WIPI2: variants seen among roughly 807,000 people sequenced by gnomAD.
WIPI2 encodes the protein WD repeat domain phosphoinositide-interacting protein 2.
Under a neutral mutation model 52.3 loss-of-function variants are expected in WIPI2, and 28 were observed. The ratio of observed to expected loss-of-function variants is 0.54; its 90% CI spans 0.40 to 0.73. WIPI2 has a LOEUF of 0.73. Ranked by LOEUF, WIPI2 falls within the 30% of genes least tolerant of loss-of-function variation. The pLI, the probability that WIPI2 is intolerant of heterozygous loss-of-function variation, is 0.00. For synonymous variants in WIPI2, 268 were observed against 245.0 expected (o/e 1.09, Z -0.88); for missense variants, 506 against 602.9 (o/e 0.84, Z 1.68).
chr7:5,227,458 C>T lies in WIPI2; in HGVS notation c.1013+114C>T, dbSNP rs1783493756. ...CTGAACAGGAGCAGCTTCTTAGAGC[C>T]GACACTCCATCGAGAGTTGTCGGGG... is the stretch of plus-strand genomic sequence containing the variant. On this transcript the variant is annotated intron_variant, in intron 10 of 12. Coordinates refer to ENST00000288828, the MANE Select transcript of WIPI2 (RefSeq NM_015610.4). This position sits in a 1 kb window ranked among gnomAD's most constrained non-coding sequence, Gnocchi z 8.1. 2.1e-6 allele frequency: 3 copies of T among 1,401,292 alleles called. No individual in the cohort carries two copies. The highest frequency in any genetic ancestry group is 2.9e-6 in the Non-Finnish European group (3 of 1,050,792). 86.8% of individuals were successfully genotyped at this position (1,401,292 alleles called of 1,614,324 possible).
intron 6 of WIPI2, chr7:5,217,514 C>T: frequency 2.5e-6 from 1 of 393,588 alleles, no homozygotes; most frequent in Non-Finnish European, 4.8e-6. Context: ...CCAGGCTGGC[C>T]TCAAACTCCT....
intron 1 of WIPI2, 52 bp from the exon 2 acceptor site, chr7:5,193,066 T>C: frequency 6.4e-7 from 1 of 1,561,468 alleles, no homozygotes; most frequent in South Asian, 1.1e-5. Flanking sequence ...GTGCATAAGT[T>C]TTATTTGTTT....
intron 3 of WIPI2, among the ~76,000 whole-genome samples, chr7:5,202,616 C>T (rs1782083458): frequency 6.6e-6 from 1 of 151,562 alleles, no homozygotes; most frequent in Non-Finnish European, 1.5e-5. Context: ...GAACTCCTGG[C>T]CTCAAGCAGT....
intron 2 of WIPI2, among the ~76,000 whole-genome samples, chr7:5,197,082 A>G (rs1781774584): frequency 8.0e-6 from 1 of 124,626 alleles, no homozygotes. Flanking sequence ...GCTGCACTCC[A>G]GCCTGCATGA....
intron 2 of WIPI2, among the ~76,000 whole-genome samples, chr7:5,196,664 A>C (rs934078527): frequency 1.3e-5 from 2 of 152,138 alleles, no homozygotes; most frequent in African/African-American, 4.8e-5. Flanking sequence ...AGCCCCCTCG[A>C]AGCTCATTTT....
At chr7:5,196,662 C>T (rs1053113360) in intron 2 of WIPI2, among the ~76,000 whole-genome samples, 6 of 152,028 alleles carry the variant, frequency 3.9e-5, no homozygotes, top group Admixed American at 3.3e-4. Flanking sequence ...GAAGCCCCCT[C>T]GAAGCTCATT....
chr7:5,195,807 A>C (rs923840789), intron 2 of WIPI2, among the ~76,000 whole-genome samples: 4 of 151,726 alleles, frequency 2.6e-5, no homozygotes, highest in Non-Finnish European at 4.4e-5. Flanking sequence ...TTGGGAAGCC[A>C]GGGCAGGTGG....
chr7:5,231,093 C>A lies in WIPI2; in HGVS notation c.*146C>A. The A allele has an allele frequency of 1.9e-6, 1 of 537,848 alleles. No homozygotes were observed. Among genetic ancestry groups the A allele is most frequent in the Admixed American group, 3.9e-5 (1 of 25,424 alleles). The allele number at this position is 537,848 out of a possible 1,614,324, so 33.3% of individuals were successfully genotyped here. A position where few individuals can be genotyped will look rare whatever the true frequency, so the allele number is the denominator to read the frequency against. ...AAAAAAAAAAGATTGTAGTGGTAGT[C>A]TAACTCCATAACGCTGAGGAAATAC... On this transcript the variant is annotated 3_prime_UTR_variant, in exon 13 of 13. Transcript: ENST00000288828.
At chr7:5,226,594 C>T (rs1198125645) in intron 9 of WIPI2, 1 of 152,720 alleles carries the variant, frequency 6.5e-6, no homozygotes, top group Non-Finnish European at 1.5e-5. Flanking sequence ...CTCAAGTGAT[C>T]TGCCGGTGAG....
At position 5,227,785 on chromosome 7, in the gene WIPI2, G is replaced by A. The variant is rs187960248; in HGVS notation, c.1014-319G>A. Reference sequence around the variant, plus strand: ...ATGGCAGGGCTTTGGGCTTCCGTGCGTCTTTAAACATCATTTTCCAGTTTT... The same window carrying A: ...ATGGCAGGGCTTTGGGCTTCCGTGCATCTTTAAACATCATTTTCCAGTTTT... On this transcript the variant is annotated intron_variant, in intron 10 of 12. Coordinates refer to ENST00000288828, the MANE Select transcript of WIPI2 (RefSeq NM_015610.4). The surrounding 1 kb of genome is among the most constrained non-coding windows in gnomAD (Gnocchi z 8.1). Among the ~76,000 whole-genome samples, 4 of 152,310 alleles carry A rather than the reference G, an allele frequency of 2.6e-5. No individual in the cohort carries two copies. The highest frequency in any genetic ancestry group is 4.4e-5 in the Non-Finnish European group (3 of 68,018).
chr7:5,193,473 A>C, intron 2 of WIPI2: 1 of 581,908 alleles, frequency 1.7e-6, no homozygotes, highest in Non-Finnish European at 2.6e-6. Context: ...ACAACAGGAG[A>C]AACCTGTTGT....
chr7:5,206,491 C>T (rs1486968742), intron 3 of WIPI2, among the ~76,000 whole-genome samples: 2 of 152,182 alleles, frequency 1.3e-5, no homozygotes, highest in African/African-American at 2.4e-5. Flanking sequence ...CCTCCCATCC[C>T]TGTTTAAAGC....
chr7:5,215,575 A>G (rs1261928724), intron 4 of WIPI2, among the ~76,000 whole-genome samples: 2 of 152,226 alleles, frequency 1.3e-5, no homozygotes, highest in Non-Finnish European at 2.9e-5. Flanking sequence ...AAAGCTGATT[A>G]GGCTGCTGGC....
At chr7:5,219,122 T>C (rs754929405) in intron 7 of WIPI2, 4 of 152,244 alleles carry the variant, frequency 2.6e-5, no homozygotes, top group Non-Finnish European at 5.9e-5. Context: ...GGGTCGTGAA[T>C]TATCCTGGAT....
Position 5,229,657 on chromosome 7 carries a change from C to T in WIPI2, c.1171C>T (p.His391Tyr). ...CAATGAGATCTTGGACTCTGCCTCT[C>T]ACGACTGCCCCTTAGTCACTCAGAC... The part of the protein sequence containing the change: ...TTNEILDSAS[H>Y]DCPLVTQTYG... The change falls in exon 12 of 13, where the codon CAC (histidine) becomes TAC (tyrosine). Residue 391 changes from histidine (H) to tyrosine (Y), a missense_variant. Physicochemically the swap from His to Tyr is moderately conservative, Grantham distance 83. This residue lies in a region of WIPI2 where 194 missense variants were observed against 175.1 expected (regional missense o/e 1.11). Transcript: ENST00000288828. The T allele has an allele frequency of 6.2e-7, 1 of 1,613,972 alleles. No individual in the cohort carries two copies. The highest frequency in any genetic ancestry group is 1.1e-5 in the South Asian group (1 of 91,030).
Position 5,227,636 on chromosome 7 carries a change from C to T in WIPI2, c.1013+292C>T, listed in dbSNP as rs540322282. On this transcript the variant is annotated intron_variant, in intron 10 of 12. Coordinates refer to ENST00000288828, the MANE Select transcript of WIPI2 (RefSeq NM_015610.4). This position sits in a 1 kb window ranked among gnomAD's most constrained non-coding sequence, Gnocchi z 8.1. ...GTGTGCCGTAGTTAACCCTTTGGGG[C>T]CACAGAAACCGCACTTGCCGAGTCT... 3.5e-4 allele frequency among the ~76,000 whole-genome samples: 53 copies of T among 152,174 alleles called. No individual in the cohort carries two copies. Among genetic ancestry groups the T allele is most frequent in the Admixed American group, 9.8e-4 (15 of 15,274 alleles).
At chr7:5,216,790 C>T in intron 5 of WIPI2, 131 bp downstream of exon 5, 1 of 890,120 alleles carries the variant, frequency 1.1e-6, no homozygotes, top group East Asian at 2.7e-5. Flanking sequence ...TGATCCCAAA[C>T]CAAGCTGCCT....
intron 4 of WIPI2, among the ~76,000 whole-genome samples, chr7:5,215,498 C>T (rs191039192): frequency 2.0e-3 from 300 of 152,346 alleles, no homozygotes; most frequent in African/African-American, 6.4e-3. Context: ...CTTGTGCTCA[C>T]GCCCAGGGTA....
Position 5,225,824 on chromosome 7 carries a change from T to C in WIPI2, c.742T>C (p.Cys248Arg). The stretch of plus-strand genomic sequence containing the variant: ...GCCCCAACCTGTGCGTCTCCCCAGG[T>C]GCGTGAGCATCTGCTCCCTGGCCTT... ...LFEFRRGVKR[C>R]VSICSLAFSM... The change falls in exon 9 of 13, where the codon TGC becomes CGC. Residue 248 changes from cysteine (C) to arginine (R), a missense_variant and splice_region_variant. Coordinates refer to ENST00000288828, the MANE Select transcript of WIPI2 (RefSeq NM_015610.4). The C allele has an allele frequency of 6.2e-7, 1 of 1,610,720 alleles. No individual in the cohort carries two copies. Among genetic ancestry groups the C allele is most frequent in the African/African-American group, 1.3e-5 (1 of 75,014 alleles).
Sources: gnomAD v4.1 joint callset for allele counts (sites outside exome capture counted in the v4.1 genomes callset) on GRCh38, gnomAD v4.1.1 for gene constraint, gnomAD v4.1.1 regional missense constraint, Gnocchi (gnomAD v3.1) non-coding constraint, MANE v1.5 for transcripts, NCBI Gene and HGNC (gene_info 2026-07-23, HGNC 2026-07-21) for gene names.